Variants in PFDN1 observed in about 807,000 individuals in gnomAD.
PFDN1 encodes prefoldin 1.
Under a neutral mutation model 17.3 loss-of-function variants are expected in PFDN1, and 6 were observed. That is an observed-to-expected ratio of 0.35 (90% CI 0.19 to 0.69). The LOEUF (loss-of-function observed/expected upper bound fraction) is 0.69. PFDN1 is among the 30% of genes least tolerant of loss of function. PFDN1 has a pLI of 0.65. For synonymous variants in PFDN1, 58 were observed against 50.1 expected, an observed-to-expected ratio of 1.16 and a Z score of -0.67; for missense variants, 113 against 146.2, an observed-to-expected ratio of 0.77 and a Z score of 1.17.
chr5:140,255,018 CT>C (rs1764965149), intron 3 of PFDN1, among the ~76,000 whole-genome samples: 1 of 152,204 alleles, frequency 6.6e-6, no homozygotes, highest in African/African-American at 2.4e-5. Flanking sequence ...AAATGCTAAA[CT>C]GTGCTGAATG....
rs997206082 is a variant in PFDN1, at chr5:140,254,039, T to C, written c.286-7982A>G. On this transcript the variant is annotated intron_variant, in intron 3 of 3. Coordinates refer to ENST00000261813, the MANE Select transcript of PFDN1 (RefSeq NM_002622.5). This position sits in a 1 kb window ranked among gnomAD's most constrained non-coding sequence, Gnocchi z 4.4. ...TTCTAAATCAGGAGTCAGCAAACTT[T>C]TTCTATAAAGGGCCAGATAATAAAT... Among the ~76,000 whole-genome samples, 3 of 152,198 alleles carry C rather than the reference T, an allele frequency of 2.0e-5. No homozygotes were observed. Among genetic ancestry groups the C allele is most frequent in the Non-Finnish European group, 4.4e-5 (3 of 68,038 alleles).
intron 3 of PFDN1, among the ~76,000 whole-genome samples, chr5:140,256,695 A>G (rs1185639248): frequency 7.7e-6 from 1 of 130,410 alleles, no homozygotes; most frequent in Non-Finnish European, 1.6e-5. Context: ...TATGTTTTTC[A>G]AGAATGACCC....
intron 3 of PFDN1, among the ~76,000 whole-genome samples, chr5:140,266,438 G>A (rs1040970489): frequency 6.6e-6 from 1 of 152,134 alleles, no homozygotes; most frequent in Admixed American, 6.5e-5. Flanking sequence ...GGGTAAATAC[G>A]TCAATCTTCA....
intron 3 of PFDN1, among the ~76,000 whole-genome samples, chr5:140,269,685 T>G (rs1196836724): frequency 2.0e-5 from 3 of 152,180 alleles, no homozygotes; most frequent in Non-Finnish European, 2.9e-5. Flanking sequence ...TTTGCTTTCC[T>G]CCATCTTTTC....
intron 3 of PFDN1, among the ~76,000 whole-genome samples, chr5:140,255,988 G>A (rs1055551832): frequency 1.2e-4 from 18 of 152,118 alleles, no homozygotes; most frequent in African/African-American, 4.1e-4. Flanking sequence ...CTCTATGGGT[G>A]CTTCTCTGTC....
rs1765728979 is a variant in PFDN1, at chr5:140,300,560, T to C, written c.56A>G (p.Lys19Arg). ...LKKAFTELQA[K>R]VIDTQQKVKL... ...CACCTTCTGTTGAGTGTCAATAACT[T>C]TGGCTTGAAGCTCTGTGAAGGCCTA... Residue 19 changes from lysine (K) to arginine (R), a missense_variant, in exon 2 of 4, where the codon AAA (lysine) becomes AGA (arginine). By Grantham distance (26) the Lys-to-Arg change is conservative. Coordinates refer to ENST00000261813, the MANE Select transcript of PFDN1 (RefSeq NM_002622.5). The C allele has an allele frequency of 1.2e-6, 2 of 1,611,184 alleles. No homozygotes were observed. The highest frequency in any genetic ancestry group is 1.7e-6 in the Non-Finnish European group (2 of 1,178,680).
chr5:140,282,325 G>A (rs552154255), intron 2 of PFDN1, among the ~76,000 whole-genome samples: 5 of 150,694 alleles, frequency 3.3e-5, no homozygotes, highest in South Asian at 2.1e-4. Flanking sequence ...TACCCTATAA[G>A]TTTTGTTTTT....
intron 3 of PFDN1, among the ~76,000 whole-genome samples, chr5:140,261,498 C>G (rs1765065357): frequency 1.3e-5 from 2 of 152,034 alleles, no homozygotes; most frequent in South Asian, 4.2e-4. Context: ...AATAGAGATA[C>G]GGCAACCGGA....
At chr5:140,268,096 T>C (rs1765158567) in intron 3 of PFDN1, among the ~76,000 whole-genome samples, 1 of 152,246 alleles carries the variant, frequency 6.6e-6, no homozygotes, top group Non-Finnish European at 1.5e-5. Context: ...ATTTCGATTA[T>C]GCTGGCAGCA....
At chr5:140,249,124 A>G (rs1764872936) in intron 3 of PFDN1, among the ~76,000 whole-genome samples, 2 of 152,242 alleles carry the variant, frequency 1.3e-5, no homozygotes. Context: ...TCTCATCATA[A>G]TCAAACCCAG....
intron 2 of PFDN1, among the ~76,000 whole-genome samples, chr5:140,294,980 C>T (rs926431515): frequency 6.6e-6 from 1 of 151,706 alleles, no homozygotes; most frequent in African/African-American, 2.4e-5. Context: ...AAATATGGTA[C>T]AAAGTTATTT....
intron 2 of PFDN1, among the ~76,000 whole-genome samples, chr5:140,283,421 G>T (rs1170753564): frequency 1.3e-5 from 2 of 151,952 alleles, no homozygotes; most frequent in Admixed American, 1.3e-4. Flanking sequence ...TTTTAGTAGA[G>T]ACAGGGTTTC....
At chr5:140,289,747 A>ATC (rs1435082159) in intron 2 of PFDN1, among the ~76,000 whole-genome samples, 10 of 152,270 alleles carry the variant, frequency 6.6e-5, no homozygotes, top group Non-Finnish European at 1.2e-4. Flanking sequence ...GGCCCAAATT[A>ATC]AACTCATTTT....
chr5:140,283,385 A>G (rs1344575162), intron 2 of PFDN1, among the ~76,000 whole-genome samples: 1 of 151,800 alleles, frequency 6.6e-6, no homozygotes, highest in Non-Finnish European at 1.5e-5. Context: ...GGCGCCCACC[A>G]CCACGCCTGG....
At chr5:140,282,207 AAAAAAG>A (rs1387776739) in intron 2 of PFDN1, among the ~76,000 whole-genome samples, 2 of 151,308 alleles carry the variant, frequency 1.3e-5, no homozygotes, top group Non-Finnish European at 2.9e-5. Flanking sequence ...AAAAAAAAAA[AAAAAAG>A]AAAAGAAAAT....
chr5:140,251,421 A>G (rs1348991190), intron 3 of PFDN1, among the ~76,000 whole-genome samples: 2 of 152,186 alleles, frequency 1.3e-5, no homozygotes, highest in African/African-American at 4.8e-5. Context: ...TATCAGGTCA[A>G]CTTGCAAAAC....
At position 140,300,534 on chromosome 5, in the gene PFDN1, T is replaced by C. The variant is rs1279919939; in HGVS notation, c.82A>G (p.Lys28Glu). ...AKVIDTQQKV[K>E]LADIQIEQLN... ...TGTTCAATCTGTATGTCTGCGAGCT[T>C]CACCTTCTGTTGAGTGTCAATAACT... The change falls in exon 2 of 4, where the codon AAG (lysine) becomes GAG (glutamate). Residue 28 changes from lysine to glutamate, a missense_variant. Lys to Glu is a moderately conservative substitution (Grantham distance 56). Transcript: ENST00000261813. The C allele has an allele frequency of 6.2e-7, 1 of 1,613,168 alleles. No individual in the cohort carries two copies. The highest frequency in any genetic ancestry group is 1.1e-5 in the South Asian group (1 of 90,840).
At chr5:140,262,748 AG>A (rs1286758005) in intron 3 of PFDN1, among the ~76,000 whole-genome samples, 2 of 152,172 alleles carry the variant, frequency 1.3e-5, no homozygotes, top group South Asian at 2.1e-4. Context: ...AAGGTGTGGG[AG>A]GGAACACAGA....
chr5:140,263,275 G>A (rs1038980116), intron 3 of PFDN1, among the ~76,000 whole-genome samples: 1 of 152,220 alleles, frequency 6.6e-6, no homozygotes, highest in African/African-American at 2.4e-5. Context: ...CCTCTGCAGA[G>A]AAAGACCTGT....
Sources: gnomAD v4.1 joint callset for allele counts (sites outside exome capture counted in the v4.1 genomes callset) on GRCh38, gnomAD v4.1.1 for gene constraint, Gnocchi (gnomAD v3.1) non-coding constraint, MANE v1.5 for transcripts, NCBI Gene and HGNC (gene_info 2026-07-23, HGNC 2026-07-21) for gene names.